The following PSD3 variants were observed in gnomAD, a reference collection of about 807,000 sequenced individuals.
PSD3 encodes the protein pleckstrin and Sec7 domain containing 3.
Under a neutral mutation model 105.5 loss-of-function variants are expected in PSD3, and 49 were observed. That is an observed-to-expected ratio of 0.46 (90% CI 0.37 to 0.59). The LOEUF (loss-of-function observed/expected upper bound fraction) is 0.59, where lower values mean the gene tolerates loss of function less well. Ranked by LOEUF, PSD3 falls within the 20% of genes least tolerant of loss-of-function variation. The probability of loss-of-function intolerance (pLI) is 0.00; values close to 1 mark genes in which losing one functional copy is unlikely to be tolerated. For missense variants in PSD3, 1,561 were observed against 1,263.8 expected, an observed-to-expected ratio of 1.24 and a Z score of -3.57; for synonymous variants, 557 against 457.8, an observed-to-expected ratio of 1.22 and a Z score of -2.77.
Position 18,872,072 on chromosome 8 carries a change from G to A in PSD3, c.792C>T (p.Gly264=). Residue 264 remains glycine (G), a synonymous_variant, in exon 3 of 16, where the codon GGC becomes GGT. Coordinates refer to ENST00000327040, the MANE Select transcript of PSD3 (RefSeq NM_015310.4). ...GSSAVTCHSA[G]SVGFLKEQRS... is the part of the protein sequence containing the mutation. ...TCTGCTCTTTCAAGAAACCAACACT[G>A]CCTGCAGAGTGGCAGGTCACTGCTG... is the stretch of plus-strand genomic sequence containing the variant. 6.2e-7 allele frequency: 1 copy of A among 1,614,138 alleles called. No homozygotes were observed.
chr8:18,562,254 G>A (rs1211952919), intron 14 of PSD3, among the ~76,000 whole-genome samples: 2 of 152,178 alleles, frequency 1.3e-5, no homozygotes, highest in Non-Finnish European at 2.9e-5. Flanking sequence ...ATGTTCTAAG[G>A]TGGAAGAGAA....
At chr8:18,821,279 T>A (rs1812677697) in intron 4 of PSD3, among the ~76,000 whole-genome samples, 1 of 152,084 alleles carries the variant, frequency 6.6e-6, no homozygotes, top group African/African-American at 2.4e-5. Flanking sequence ...CCTTTTAAAA[T>A]GCTATTTTTC....
chr8:18,665,015 C>T (rs1430224651), intron 9 of PSD3, among the ~76,000 whole-genome samples: 1 of 152,168 alleles, frequency 6.6e-6, no homozygotes, highest in Non-Finnish European at 1.5e-5. Flanking sequence ...ACCTCGTCAC[C>T]CAAGAACTCT....
At chr8:18,553,627 A>G (rs1800903385) in intron 15 of PSD3, among the ~76,000 whole-genome samples, 1 of 152,186 alleles carries the variant, frequency 6.6e-6, no homozygotes, top group Non-Finnish European at 1.5e-5. Flanking sequence ...ATGCTGTGCA[A>G]AGACTCTCTG....
At chr8:18,676,423 C>T (rs1412428684) in intron 9 of PSD3, among the ~76,000 whole-genome samples, 1 of 152,188 alleles carries the variant, frequency 6.6e-6, no homozygotes, top group Non-Finnish European at 1.5e-5. Flanking sequence ...ACCTCTACCA[C>T]CTCACTGATG....
At chr8:18,641,250 A>C (rs1190025059) in intron 10 of PSD3, among the ~76,000 whole-genome samples, 1 of 152,148 alleles carries the variant, frequency 6.6e-6, no homozygotes, top group Admixed American at 6.5e-5. Flanking sequence ...GATGTTACCA[A>C]GTCCCTGCTC....
chr8:18,724,824 T>C (rs1803235625), intron 9 of PSD3, among the ~76,000 whole-genome samples: 2 of 151,826 alleles, frequency 1.3e-5, no homozygotes, highest in African/African-American at 4.8e-5. Context: ...AAATAACATA[T>C]AACTAACTAA....
intron 4 of PSD3, among the ~76,000 whole-genome samples, chr8:18,830,656 C>T (rs1342364983): frequency 6.6e-6 from 1 of 152,052 alleles, no homozygotes; most frequent in African/African-American, 2.4e-5. Context: ...AAATGAGTTA[C>T]CTAAAGAACA....
intron 2 of PSD3, among the ~76,000 whole-genome samples, chr8:18,878,511 T>G (rs1207686660): frequency 6.6e-6 from 1 of 152,230 alleles, no homozygotes; most frequent in Non-Finnish European, 1.5e-5. Context: ...AGATTTGTTC[T>G]AATCCTAATA....
chr8:18,580,970 G>A (rs759383458), intron 12 of PSD3, among the ~76,000 whole-genome samples: 10 of 152,126 alleles, frequency 6.6e-5, no homozygotes, highest in African/African-American at 2.4e-4. Flanking sequence ...ACTGGAACAA[G>A]AATAACATCA....
intron 11 of PSD3, among the ~76,000 whole-genome samples, chr8:18,604,020 T>C (rs1182130302): frequency 1.3e-5 from 2 of 152,120 alleles, no homozygotes; most frequent in East Asian, 1.9e-4. Context: ...ATACAGAAAA[T>C]TGGTACTGTC....
intron 9 of PSD3, among the ~76,000 whole-genome samples, chr8:18,663,572 T>G (rs766845923): frequency 6.6e-6 from 1 of 152,156 alleles, no homozygotes; most frequent in Non-Finnish European, 1.5e-5. Flanking sequence ...ATAAGATGTA[T>G]TCAAACACAG....
chr8:18,709,446 A>G (rs1457054770), intron 9 of PSD3, among the ~76,000 whole-genome samples: 1 of 152,206 alleles, frequency 6.6e-6, no homozygotes, highest in African/African-American at 2.4e-5. Context: ...TCAGCTCAGA[A>G]AAGTGGGAAT....
chr8:18,997,629 A>C (rs1359004155), intron 1 of PSD3, among the ~76,000 whole-genome samples: 3 of 152,008 alleles, frequency 2.0e-5, no homozygotes, highest in African/African-American at 7.3e-5. Context: ...AATAGCAACA[A>C]GGCCCCACAG....
intron 8 of PSD3, among the ~76,000 whole-genome samples, chr8:18,792,510 G>C (rs1210142095): frequency 1.3e-5 from 2 of 152,170 alleles, no homozygotes; most frequent in Non-Finnish European, 2.9e-5. Flanking sequence ...GGAGCTGAAT[G>C]ATGAGAACAC....
rs376942858 is a variant in PSD3, at chr8:18,689,203, C to T, written c.2173-33518G>A. On this transcript the variant is annotated intron_variant, in intron 9 of 15. Coordinates refer to ENST00000327040, the MANE Select transcript of PSD3 (RefSeq NM_015310.4). ...TGCTGGGGACACACAACGCTGATAC[C>T]ATCAGGCCCCTAACTTTGAGCAGCT... Among the ~76,000 whole-genome samples the T allele has an allele frequency of 1.3e-4, 20 of 152,232 alleles. No individual in the cohort carries two copies. In the East Asian group the frequency reaches 3.5e-3, roughly 26 times the overall value.
intron 2 of PSD3, 38 bp from the exon 3 acceptor site, chr8:18,872,771 G>C (rs1817479823): frequency 6.7e-7 from 1 of 1,496,720 alleles, no homozygotes; most frequent in South Asian, 1.3e-5. Flanking sequence ...ACTTGTTGTA[G>C]AAAGACAGGG....
intron 9 of PSD3, among the ~76,000 whole-genome samples, chr8:18,703,050 A>T (rs1801682788): frequency 6.6e-6 from 1 of 152,152 alleles, no homozygotes. Context: ...TGAGGCAAGA[A>T]CTGTGAAAAA....
At chr8:18,975,513 T>C (rs762383571) in intron 1 of PSD3, among the ~76,000 whole-genome samples, 25 of 152,100 alleles carry the variant, frequency 1.6e-4, no homozygotes, top group Non-Finnish European at 2.9e-4. Context: ...GTCACTTGGC[T>C]TACCCAAGTC....
Sources: gnomAD v4.1 joint callset for allele counts (sites outside exome capture counted in the v4.1 genomes callset) on GRCh38, gnomAD v4.1.1 for gene constraint, MANE v1.5 for transcripts, NCBI Gene and HGNC (gene_info 2026-07-23, HGNC 2026-07-21) for gene names.